PDE4D: variants seen among roughly 807,000 people sequenced by gnomAD.
PDE4D encodes the protein 3',5'-cyclic-AMP phosphodiesterase 4D.
Under a neutral mutation model 87.4 loss-of-function variants are expected in PDE4D, and 24 were observed. The observed-to-expected ratio is 0.27, with a 90% CI of 0.20 to 0.39. The LOEUF (loss-of-function observed/expected upper bound fraction) is 0.39, where lower values mean the gene tolerates loss of function less well. PDE4D is among the 10% of genes least tolerant of loss of function. The pLI, the probability that PDE4D is intolerant of heterozygous loss-of-function variation, is 1.00. For synonymous variants in PDE4D, 384 were observed against 383.2 expected, an observed-to-expected ratio of 1.00 and a Z score of -0.02; for missense variants, 714 against 1,041.0, an observed-to-expected ratio of 0.69 and a Z score of 4.32.
chr5:59,541,383 AAT>A (rs746943787), intron 1 of PDE4D, among the ~76,000 whole-genome samples: 1 of 152,226 alleles, frequency 6.6e-6, no homozygotes, highest in African/African-American at 2.4e-5. Context: ...ATCTTTTTAG[AAT>A]ATAACAACCT....
chr5:60,473,078 C>CAG (rs1248305425), intron 1 of PDE4D, among the ~76,000 whole-genome samples: 3 of 110,122 alleles, frequency 2.7e-5, no homozygotes, highest in Non-Finnish European at 5.2e-5. Context: ...GAGGGAGAGA[C>CAG]AGAGAGAGAG....
intron 1 of PDE4D, among the ~76,000 whole-genome samples, chr5:59,746,727 CT>C (rs1337554127): frequency 6.6e-6 from 1 of 152,062 alleles, no homozygotes; most frequent in Non-Finnish European, 1.5e-5. Context: ...TCTGACTTTC[CT>C]GCACCATCTT....
chr5:60,514,183 T>C (rs1466368492), intron 1 of PDE4D, among the ~76,000 whole-genome samples: 1 of 152,016 alleles, frequency 6.6e-6, no homozygotes, highest in Non-Finnish European at 1.5e-5. Context: ...CCTTCAGATA[T>C]ATTAAAATTA....
intron 5 of PDE4D, among the ~76,000 whole-genome samples, chr5:59,045,580 A>G (rs1252372351): frequency 1.4e-5 from 2 of 143,530 alleles, no homozygotes; most frequent in African/African-American, 5.2e-5. Flanking sequence ...AAAAAAAAAA[A>G]GATGTGTGTG....
chr5:59,142,291 C>A (rs10056754), intron 5 of PDE4D, among the ~76,000 whole-genome samples: 15,955 of 152,192 alleles, frequency 0.1, 1,130 homozygotes, highest in Non-Finnish European at 0.15. Flanking sequence ...TGCATCTCAT[C>A]CTTTCCTCCC....
chr5:60,016,027 G>C (rs183341725), intron 2 of PDE4D, among the ~76,000 whole-genome samples: 1,591 of 128,778 alleles, frequency 0.012, 18 homozygotes, highest in East Asian at 0.05. Flanking sequence ...CTCTCTCTCT[G>C]TGTGTGTGTG....
chr5:60,325,433 CTT>C (rs1756696058), intron 1 of PDE4D, among the ~76,000 whole-genome samples: 1 of 152,122 alleles, frequency 6.6e-6, no homozygotes, highest in Non-Finnish European at 1.5e-5. Flanking sequence ...ATTTCAGAAA[CTT>C]TGTAGATGTC....
intron 1 of PDE4D, among the ~76,000 whole-genome samples, chr5:60,517,653 C>T (rs545432810): frequency 6.7e-6 from 1 of 148,732 alleles, no homozygotes; most frequent in East Asian, 1.9e-4. Flanking sequence ...TGTGGGTCTC[C>T]TCTCTCTTGA....
chr5:59,672,784 A>G (rs186146194), intron 1 of PDE4D, among the ~76,000 whole-genome samples: 2 of 152,322 alleles, frequency 1.3e-5, no homozygotes, highest in African/African-American at 2.4e-5. Context: ...GTTCTATAAA[A>G]AAGATAAAGG....
chr5:60,204,770 C>T (rs1742309850), intron 1 of PDE4D, among the ~76,000 whole-genome samples: 1 of 152,160 alleles, frequency 6.6e-6, no homozygotes, highest in South Asian at 2.1e-4. Flanking sequence ...AACACACAGA[C>T]TTTTTAACCC....
chr5:59,513,780 C>T (rs576599295), intron 1 of PDE4D, among the ~76,000 whole-genome samples: 2 of 152,246 alleles, frequency 1.3e-5, no homozygotes, highest in South Asian at 2.1e-4. Context: ...AAAATAAACA[C>T]GCTTCATTGT....
chr5:59,461,517 T>C (rs750142707), intron 1 of PDE4D, among the ~76,000 whole-genome samples: 4 of 152,188 alleles, frequency 2.6e-5, no homozygotes, highest in Non-Finnish European at 5.9e-5. Context: ...CTAGACCATC[T>C]GGCTACCTAG....
chr5:60,033,078 C>T (rs965872703), intron 2 of PDE4D: 8 of 152,162 alleles, frequency 5.3e-5, no homozygotes, highest in African/African-American at 1.4e-4. Flanking sequence ...TCTATCTATA[C>T]ACAGTGCCCC....
chr5:59,004,423 G>A lies in PDE4D; in HGVS notation c.922-10958C>T, dbSNP rs568287241. Among the ~76,000 whole-genome samples the A allele has an allele frequency of 2.9e-3, 441 of 152,232 alleles. 2 individuals are homozygous for A. The highest frequency in any genetic ancestry group is 4.9e-3 in the Non-Finnish European group (330 of 68,004). ...CTTAGAACAGTAAGTGCTATCTAAG[G>A]GTTTGCTATGATTTCTCTTATGGGG... On this transcript the variant is annotated intron_variant, in intron 6 of 14. Coordinates refer to ENST00000340635, the MANE Select transcript of PDE4D (RefSeq NM_001104631.2).
rs10586960 is a variant in PDE4D, at chr5:59,536,504, C to CAAAAAAAAAAAAAAAAA, written c.456-320553_456-320537dup. On this transcript the variant is annotated intron_variant, in intron 1 of 14. Transcript: ENST00000340635. ...TGGGCAACAGAGCAAGACTCAGCCT[C>CAAAAAAAAAAAAAAAAA]AAAAAAAAAAAAAAAAAAAAAAAAA... 3.5e-4 allele frequency among the ~76,000 whole-genome samples: 20 copies of CAAAAAAAAAAAAAAAAA among 56,372 alleles called. 1 individual carries two copies. The highest frequency in any genetic ancestry group is 1.5e-3 in the African/African-American group (16 of 10,698). 37.0% of individuals were successfully genotyped at this position (56,372 alleles called of 152,430 possible).
chr5:59,354,223 T>G (rs932497130), intron 1 of PDE4D, among the ~76,000 whole-genome samples: 5 of 152,152 alleles, frequency 3.3e-5, no homozygotes, highest in Non-Finnish European at 7.4e-5. Flanking sequence ...AGAAATGTTG[T>G]CCAATGTCCA....
At chr5:60,472,313 G>C (rs904174202) in intron 1 of PDE4D, among the ~76,000 whole-genome samples, 1 of 151,998 alleles carries the variant, frequency 6.6e-6, no homozygotes, top group Admixed American at 6.6e-5. Context: ...TTTTTCCCAG[G>C]TCACACAGCT....
Position 59,215,923 on chromosome 5 carries a change from A to G in PDE4D, c.501T>C (p.Asp167=), listed in dbSNP as rs369150883. 9 of 1,613,444 alleles carry G rather than the reference A, an allele frequency of 5.6e-6. No individual in the cohort carries two copies. The highest frequency in any genetic ancestry group is 7.6e-6 in the Non-Finnish European group (9 of 1,179,612). ...GCCCGGATCCTGGGCTGGTCATGGG[A>G]TCCAAGGGACTCCGTCCCGCAGATG... ...NGTSAGRSPL[D]PMTSPGSGLI... Residue 167 remains aspartate (D), a synonymous_variant, in exon 2 of 15, where the codon GAT becomes GAC. Transcript: ENST00000340635.
At chr5:60,320,668 G>T (rs1027111262) in intron 1 of PDE4D, among the ~76,000 whole-genome samples, 4 of 152,092 alleles carry the variant, frequency 2.6e-5, no homozygotes, top group African/African-American at 9.7e-5. Context: ...CATAGTCTCT[G>T]CCCAAAACCT....
Sources: gnomAD v4.1 joint callset for allele counts (sites outside exome capture counted in the v4.1 genomes callset) on GRCh38, gnomAD v4.1.1 for gene constraint, MANE v1.5 for transcripts, NCBI Gene and HGNC (gene_info 2026-07-23, HGNC 2026-07-21) for gene names.